The following AFF3 variants were observed in gnomAD, a reference collection of about 807,000 sequenced individuals.
The protein encoded by AFF3 is AF4/FMR2 family member 3.
A neutral mutation model predicts 129.7 loss-of-function variants in AFF3; 32 were observed. That is an observed-to-expected ratio of 0.25 (90% CI 0.19 to 0.33). The LOEUF (loss-of-function observed/expected upper bound fraction) is 0.33, where lower values mean the gene tolerates loss of function less well. Ranked by LOEUF, AFF3 falls within the 10% of genes least tolerant of loss-of-function variation. The pLI is 1.00. For missense variants in AFF3, 1,373 were observed against 1,592.0 expected (o/e 0.86, Z 2.34); for synonymous variants, 644 against 635.4 (o/e 1.01, Z -0.20).
At chr2:99,756,610 TC>T (rs1322935140) in intron 8 of AFF3, among the ~76,000 whole-genome samples, 1 of 152,206 alleles carries the variant, frequency 6.6e-6, no homozygotes, top group Non-Finnish European at 1.5e-5. Flanking sequence ...TTAACATCAA[TC>T]TTTCCTTCTC....
intron 11 of AFF3, among the ~76,000 whole-genome samples, chr2:99,714,492 G>C (rs1678196057): frequency 6.6e-6 from 1 of 152,122 alleles, no homozygotes; most frequent in Admixed American, 6.5e-5. Flanking sequence ...TTTCTTAGCT[G>C]AAATGATTGT....
intron 7 of AFF3, among the ~76,000 whole-genome samples, chr2:99,984,253 A>G (rs978322665): frequency 3.3e-5 from 5 of 152,222 alleles, no homozygotes; most frequent in Non-Finnish European, 7.3e-5. Flanking sequence ...ATATGTAGGT[A>G]TCAATTGCTT....
At chr2:99,684,491 C>G (rs950479299) in intron 11 of AFF3, among the ~76,000 whole-genome samples, 6 of 152,000 alleles carry the variant, frequency 3.9e-5, no homozygotes, top group Admixed American at 3.9e-4. Flanking sequence ...ATAAGCAGAT[C>G]GTATAAACGT....
At chr2:99,703,656 T>A (rs939624508) in intron 11 of AFF3, among the ~76,000 whole-genome samples, 5 of 151,778 alleles carry the variant, frequency 3.3e-5, no homozygotes, top group African/African-American at 1.2e-4. Flanking sequence ...TTTTTTTTTT[T>A]CTTTTCTTGC....
chr2:100,032,849 C>A (rs1684613940), intron 4 of AFF3, among the ~76,000 whole-genome samples: 1 of 152,022 alleles, frequency 6.6e-6, no homozygotes, highest in Non-Finnish European at 1.5e-5. Context: ...ACTTATCTAC[C>A]TATTTACTAT....
chr2:99,942,147 G>C (rs1436135735), intron 7 of AFF3, among the ~76,000 whole-genome samples: 1 of 152,184 alleles, frequency 6.6e-6, no homozygotes, highest in Non-Finnish European at 1.5e-5. Context: ...TCAGCCAAGT[G>C]TTGAAGATAC....
chr2:99,808,696 T>C (rs756911823), intron 8 of AFF3, among the ~76,000 whole-genome samples: 36 of 152,168 alleles, frequency 2.4e-4, no homozygotes, highest in Admixed American at 5.2e-4. Flanking sequence ...GTAGACACAA[T>C]TGCAATAACT....
At chr2:100,013,205 T>G (rs575102162) in intron 4 of AFF3, among the ~76,000 whole-genome samples, 121 of 152,324 alleles carry the variant, frequency 7.9e-4, no homozygotes, top group Non-Finnish European at 1.4e-3. Flanking sequence ...AGGCCAATTA[T>G]GGTGGTTAAG....
intron 7 of AFF3, among the ~76,000 whole-genome samples, chr2:99,921,421 C>G (rs1695849381): frequency 6.6e-6 from 1 of 152,008 alleles, no homozygotes; most frequent in Admixed American, 6.6e-5. Context: ...CAGATTGGAT[C>G]CTGGAATGAA....
chr2:99,681,907 T>A (rs1345363126), intron 11 of AFF3, among the ~76,000 whole-genome samples: 1 of 69,446 alleles, frequency 1.4e-5, no homozygotes, highest in African/African-American at 5.7e-5. Context: ...GCCTTAATTC[T>A]ATTTTTTTTT....
chr2:99,965,678 T>C (rs1677674281), intron 7 of AFF3, among the ~76,000 whole-genome samples: 1 of 152,234 alleles, frequency 6.6e-6, no homozygotes, highest in Non-Finnish European at 1.5e-5. Flanking sequence ...GTTTAGTTTA[T>C]GTGAATCCAC....
At chr2:99,973,531 G>A (rs1192442963) in intron 7 of AFF3, among the ~76,000 whole-genome samples, 3 of 152,114 alleles carry the variant, frequency 2.0e-5, no homozygotes, top group Non-Finnish European at 2.9e-5. Flanking sequence ...TGTGCACACA[G>A]GGGTAAAAGT....
At chr2:99,904,047 T>C (rs1278305370) in intron 7 of AFF3, among the ~76,000 whole-genome samples, 2 of 152,204 alleles carry the variant, frequency 1.3e-5, no homozygotes, top group African/African-American at 4.8e-5. Context: ...TCTTCTCTTT[T>C]CTTCCTCACT....
chr2:99,640,499 G>A (rs1163393056), intron 13 of AFF3, among the ~76,000 whole-genome samples: 1 of 152,150 alleles, frequency 6.6e-6, no homozygotes, highest in Non-Finnish European at 1.5e-5. Context: ...AGACTTGGAT[G>A]TGTAAATGCT....
intron 7 of AFF3, among the ~76,000 whole-genome samples, chr2:99,958,590 T>C (rs896353396): frequency 3.3e-5 from 5 of 151,902 alleles, no homozygotes; most frequent in African/African-American, 7.3e-5. Flanking sequence ...ATGGGAAATG[T>C]AGATAACGAT....
intron 7 of AFF3, among the ~76,000 whole-genome samples, chr2:99,847,051 T>C (rs991903036): frequency 2.6e-5 from 4 of 152,214 alleles, no homozygotes; most frequent in Non-Finnish European, 5.9e-5. Flanking sequence ...CAGGTAGCAC[T>C]GGAAAACATG....
At chr2:99,586,055 T>G (rs1678082494) in intron 16 of AFF3, among the ~76,000 whole-genome samples, 1 of 152,246 alleles carries the variant, frequency 6.6e-6, no homozygotes, top group Non-Finnish European at 1.5e-5. Context: ...CATATCATAT[T>G]GCAGTTGTGC....
intron 10 of AFF3, among the ~76,000 whole-genome samples, chr2:99,733,334 C>G (rs1233685309): frequency 6.7e-6 from 1 of 149,306 alleles, no homozygotes; most frequent in South Asian, 2.2e-4. Context: ...GAGCCAAGAT[C>G]GCGCCACTGC....
chr2:99,593,593 G>C lies in AFF3; in HGVS notation c.2068C>G (p.Leu690Val). Residue 690 changes from leucine to valine, a missense_variant, in exon 15 of 25, where the codon CTG (leucine) becomes GTG (valine). This residue lies in a region of AFF3 where 466 missense variants were observed against 505.0 expected (regional missense o/e 0.92). Transcript: ENST00000672756. ...DLESEQEEYP[L>V]SKAQTVAASA... ...GCAGCCACGGTCTGTGCTTTGGACAGAGGGTACTCCTCCTGCTCGGACTCC... is the reference window on the plus strand; with the variant it reads ...GCAGCCACGGTCTGTGCTTTGGACACAGGGTACTCCTCCTGCTCGGACTCC... The C allele has an allele frequency of 1.9e-6, 3 of 1,612,978 alleles. No homozygotes were observed. Among genetic ancestry groups the C allele is most frequent in the Non-Finnish European group, 8.5e-7 (1 of 1,179,778 alleles).
Sources: allele counts gnomAD v4.1 joint callset (sites outside exome capture counted in the v4.1 genomes callset), GRCh38; gene constraint gnomAD v4.1.1; regional missense constraint gnomAD v4.1.1; transcripts MANE v1.5; gene names NCBI Gene and HGNC (gene_info 2026-07-23, HGNC 2026-07-21).